Variants in EYA3 observed in about 807,000 individuals in gnomAD.
EYA3 encodes EYA transcriptional coactivator and phosphatase 3.
In EYA3, 39 loss-of-function variants were observed where a neutral mutation model predicts 80.0. The ratio of observed to expected loss-of-function variants is 0.49; its 90% CI spans 0.38 to 0.64. EYA3 has a LOEUF of 0.64. Ranked by LOEUF, EYA3 falls within the 30% of genes least tolerant of loss-of-function variation. EYA3 has a pLI of 0.00. For missense variants in EYA3, 523 were observed against 676.1 expected (o/e 0.77, Z 2.51); for synonymous variants, 206 against 232.8 (o/e 0.88, Z 1.05).
Position 28,013,239 on chromosome 1 carries a change from C to T in EYA3, c.641G>A (p.Ser214Asn). The change falls in exon 9 of 18, where the codon AGC (serine) becomes AAC (asparagine). Residue 214 changes from serine (S) to asparagine (N), a missense_variant. By Grantham distance (46) the Ser-to-Asn change is conservative (BLOSUM62 1). This residue lies in a region of EYA3 where 304 missense variants were observed against 343.3 expected (regional missense o/e 0.89). Coordinates refer to ENST00000373871, the MANE Select transcript of EYA3 (RefSeq NM_001990.4). This position sits in a 1 kb window ranked among gnomAD's most constrained non-coding sequence, Gnocchi z 4.0. The part of the protein sequence containing the change: ...GQNQYQACYP[S>N]SSFGVTGQTN... ...CTGACCTGTGACTCCAAAGCTGGAG[C>T]TGGGGTAGCAGGCCTGGTACTGATT... 1 of 1,614,104 alleles carries T rather than the reference C, an allele frequency of 6.2e-7. No individual in the cohort carries two copies. The highest frequency in any genetic ancestry group is 1.7e-4 in the Middle Eastern group (1 of 6,058).
chr1:28,001,647 G>A (rs932941893), intron 11 of EYA3, among the ~76,000 whole-genome samples: 10 of 148,286 alleles, frequency 6.7e-5, no homozygotes, highest in Non-Finnish European at 1.5e-4. Flanking sequence ...ACTGAGGCAG[G>A]AGAATAGCGT....
At chr1:28,076,872 C>T (rs1645231426) in intron 1 of EYA3, among the ~76,000 whole-genome samples, 1 of 149,476 alleles carries the variant, frequency 6.7e-6, no homozygotes, top group South Asian at 2.1e-4. Context: ...TCCTGAGTAG[C>T]TGGGATTACA....
chr1:28,021,105 GT>G (rs1412716738), intron 7 of EYA3, among the ~76,000 whole-genome samples: 2 of 152,196 alleles, frequency 1.3e-5, no homozygotes, highest in Non-Finnish European at 2.9e-5. Context: ...GCACATAAAA[GT>G]TTGTGCAAGA....
intron 3 of EYA3, among the ~76,000 whole-genome samples, chr1:28,046,256 T>C (rs1644001536): frequency 6.6e-6 from 1 of 152,230 alleles, no homozygotes. Flanking sequence ...ATATTGTGTG[T>C]ATTTTATCAT....
At chr1:27,998,878 C>G (rs1350295967) in intron 12 of EYA3, among the ~76,000 whole-genome samples, 1 of 152,168 alleles carries the variant, frequency 6.6e-6, no homozygotes, top group Non-Finnish European at 1.5e-5. Flanking sequence ...AAGCAATTCT[C>G]CTGCCTCAGC....
chr1:28,063,489 T>C (rs1363351914), intron 1 of EYA3, among the ~76,000 whole-genome samples: 1 of 151,162 alleles, frequency 6.6e-6, no homozygotes, highest in Non-Finnish European at 1.5e-5. Flanking sequence ...CCCAGGTAGC[T>C]GGGATTACAG....
chr1:28,027,995 A>G (rs1233107929), intron 6 of EYA3, 69 bp from the exon 7 acceptor site: 7 of 1,543,434 alleles, frequency 4.5e-6, no homozygotes, highest in East Asian at 4.5e-5. Context: ...ATGCTTTCAA[A>G]TATCAGCCAG....
intron 10 of EYA3, among the ~76,000 whole-genome samples, chr1:28,007,459 C>T (rs1272463982): frequency 6.6e-6 from 1 of 151,674 alleles, no homozygotes; most frequent in African/African-American, 2.4e-5. Flanking sequence ...CTTAGCCTCC[C>T]GAGTAGCTGG....
At position 28,034,742 on chromosome 1, in the gene EYA3, G is replaced by A. The variant is rs146672850; in HGVS notation, c.361+802C>T. On this transcript the variant is annotated intron_variant, in intron 6 of 17. Transcript: ENST00000373871. ...ACATCCAGAATCTGTGTGGTCATCT[G>A]TCTGGAAAATTTTTCTAATTCGTAG... Among the ~76,000 whole-genome samples the A allele has an allele frequency of 6.4e-3, 979 of 152,244 alleles. 8 individuals carry two copies. Among genetic ancestry groups the A allele is most frequent in the African/African-American group, 0.022 (905 of 41,540 alleles).
intron 1 of EYA3, among the ~76,000 whole-genome samples, chr1:28,065,179 CA>C (rs1166378130): frequency 5.3e-5 from 8 of 152,198 alleles, no homozygotes; most frequent in Non-Finnish European, 7.3e-5. Flanking sequence ...ACTGTGTGGC[CA>C]AAACCTGGAG....
intron 16 of EYA3, among the ~76,000 whole-genome samples, chr1:27,980,223 T>A (rs1195101700): frequency 6.6e-6 from 1 of 152,232 alleles, no homozygotes; most frequent in Non-Finnish European, 1.5e-5. Flanking sequence ...GTTCAAACAT[T>A]AAACCATTCA....
At chr1:27,986,748 GC>G (rs1035738477) in intron 16 of EYA3, among the ~76,000 whole-genome samples, 27 of 151,806 alleles carry the variant, frequency 1.8e-4, no homozygotes, top group African/African-American at 6.3e-4. Flanking sequence ...TGTCACCCAG[GC>G]TGGAGTGCAG....
chr1:27,976,224 C>T (rs765292445), intron 17 of EYA3, among the ~76,000 whole-genome samples: 1 of 152,092 alleles, frequency 6.6e-6, no homozygotes, highest in African/African-American at 2.4e-5. Flanking sequence ...CTTTGGGAGT[C>T]TGAGGTGGGT....
At chr1:28,004,246 G>A in intron 11 of EYA3, 90 bp downstream of exon 11, 1 of 886,256 alleles carries the variant, frequency 1.1e-6, no homozygotes. Context: ...GCCAACAGGG[G>A]TAGCAGAGAA....
At chr1:28,000,284 A>G (rs1376277624) in intron 11 of EYA3, among the ~76,000 whole-genome samples, 1 of 152,222 alleles carries the variant, frequency 6.6e-6, no homozygotes, top group East Asian at 1.9e-4. Context: ...GTAGTTTCAT[A>G]AAGATAAATG....
chr1:27,977,458 T>C, intron 17 of EYA3: 3 of 1,421,836 alleles, frequency 2.1e-6, no homozygotes, highest in Non-Finnish European at 2.9e-6. Context: ...ATGAGGATAC[T>C]CAAAGAGGAT....
At chr1:28,071,244 T>C (rs1272955651) in intron 1 of EYA3, among the ~76,000 whole-genome samples, 2 of 152,132 alleles carry the variant, frequency 1.3e-5, no homozygotes, top group African/African-American at 2.4e-5. Context: ...GTTTGATGTG[T>C]TCTGCTTAGG....
chr1:28,033,218 A>T, intron 6 of EYA3, among the ~76,000 whole-genome samples: 1 of 152,202 alleles, frequency 6.6e-6, no homozygotes, highest in Non-Finnish European at 1.5e-5. Flanking sequence ...GAAAGAAAGA[A>T]ATCAAGTGTT....
chr1:28,043,331 A>G (rs750677307), intron 3 of EYA3, among the ~76,000 whole-genome samples: 40 of 39,354 alleles, frequency 1.0e-3, no homozygotes, highest in East Asian at 2.5e-3. Flanking sequence ...CTTTTTTGTG[A>G]AAAAAAAAAA....
Sources: allele counts gnomAD v4.1 joint callset (sites outside exome capture counted in the v4.1 genomes callset), GRCh38; gene constraint gnomAD v4.1.1; regional missense constraint gnomAD v4.1.1; non-coding constraint Gnocchi (gnomAD v3.1); transcripts MANE v1.5; gene names NCBI Gene and HGNC (gene_info 2026-07-23, HGNC 2026-07-21).